The following TNRC18 variants were observed in gnomAD, a reference collection of about 807,000 sequenced individuals.
TNRC18 encodes the protein trinucleotide repeat-containing gene 18 protein.
Under a neutral mutation model 226.7 loss-of-function variants are expected in TNRC18, and 69 were observed. That is an observed-to-expected ratio of 0.30 (90% confidence interval 0.25 to 0.37). The LOEUF is 0.37. Ranked by LOEUF, TNRC18 falls within the 10% of genes least tolerant of loss-of-function variation. TNRC18 has a pLI of 1.00. For missense variants in TNRC18, 4,754 were observed against 4,256.6 expected, an observed-to-expected ratio of 1.12 and a Z score of -3.25; for synonymous variants, 2,449 against 1,927.6, an observed-to-expected ratio of 1.27 and a Z score of -7.09.
At chr7:5,325,025 G>A in intron 20 of TNRC18, 71 bp downstream of exon 20, 2 of 1,481,578 alleles carry the variant, frequency 1.3e-6, no homozygotes, top group South Asian at 1.3e-5. Context: ...AGCAGGTGGA[G>A]CCCCCTGCCC....
chr7:5,415,082 C>G (rs1400958915), intron 2 of TNRC18, among the ~76,000 whole-genome samples: 2 of 152,144 alleles, frequency 1.3e-5, no homozygotes, highest in East Asian at 3.8e-4. Context: ...CTCCTCATTC[C>G]TCAGTTTAAA....
intron 2 of TNRC18, among the ~76,000 whole-genome samples, chr7:5,402,540 C>CA (rs565671183): frequency 3.1e-3 from 416 of 134,210 alleles, no homozygotes; most frequent in South Asian, 7.9e-3. Context: ...CTCAAAAAGA[C>CA]AAAAAAAAAA....
At chr7:5,401,603 C>G (rs546517985) in intron 2 of TNRC18, among the ~76,000 whole-genome samples, 16 of 152,320 alleles carry the variant, frequency 1.1e-4, no homozygotes, top group South Asian at 6.2e-4. Flanking sequence ...GAAAGGGTGT[C>G]TGCTGCCTGT....
chr7:5,377,395 T>G lies in TNRC18; in HGVS notation c.2437A>C (p.Met813Leu). 1 of 1,371,006 alleles carries G rather than the reference T, an allele frequency of 7.3e-7. No individual in the cohort carries two copies. The highest frequency in any genetic ancestry group is 4.3e-5 in the East Asian group (1 of 23,292). The allele number at this position is 1,371,006 out of a possible 1,614,324, so 84.9% of individuals were successfully genotyped here. A position where few individuals can be genotyped will look rare whatever the true frequency, so the allele number is the denominator to read the frequency against. ...CCGTAGGGGTGTCCAGCGAGCCACATGGATGCGTTGCCCGAGCGGGGCAAC... is the reference window on the plus strand; with the variant it reads ...CCGTAGGGGTGTCCAGCGAGCCACAGGGATGCGTTGCCCGAGCGGGGCAAC... ...PWLPRSGNAS[M>L]WLAGHPYGLG... The change falls in exon 7 of 30, where the codon ATG becomes CTG. Residue 813 changes from methionine (M) to leucine (L), a missense_variant. Physicochemically the swap from Met to Leu is conservative, Grantham distance 15. Coordinates refer to ENST00000430969, the MANE Select transcript of TNRC18 (RefSeq NM_001080495.3). The surrounding 1 kb of genome is among the most constrained non-coding windows in gnomAD (Gnocchi z 5.8).
Position 5,351,941 on chromosome 7 carries a change from G to A in TNRC18, c.5348C>T (p.Ala1783Val), listed in dbSNP as rs764391804. Residue 1783 changes from alanine (A) to valine (V), a missense_variant, in exon 17 of 30, where the codon GCG (alanine) becomes GTG (valine). By Grantham distance (64) the Ala-to-Val change is moderately conservative. Coordinates refer to ENST00000430969, the MANE Select transcript of TNRC18 (RefSeq NM_001080495.3). The stretch of plus-strand genomic sequence containing the variant: ...CTTGGGTTTCAGAGTCCGGGGGGCC[G>A]CCAGGCCCCTCTTGGTCAGCTTGGG... Reference protein sequence around the residue: ...GGPKLTKRGLAAPRTLKPKPA... With the variant: ...GGPKLTKRGLVAPRTLKPKPA... The A allele has an allele frequency of 3.7e-5, 60 of 1,613,578 alleles. No homozygotes were observed. The South Asian group carries it at 5.4e-4, about 14-fold the overall frequency.
chr7:5,395,658 C>T (rs185298342), intron 2 of TNRC18, among the ~76,000 whole-genome samples: 7 of 152,324 alleles, frequency 4.6e-5, no homozygotes, highest in African/African-American at 1.2e-4. Context: ...TGCCTCCCTT[C>T]GGGAATGATA....
chr7:5,367,068 G>A (rs572076262), intron 11 of TNRC18, among the ~76,000 whole-genome samples: 11 of 152,172 alleles, frequency 7.2e-5, no homozygotes, highest in African/African-American at 2.4e-4. Context: ...TGTCCTAATA[G>A]GGTGGAGAAT....
intron 1 of TNRC18, among the ~76,000 whole-genome samples, chr7:5,422,523 CTCTG>C (rs1210765526): frequency 1.3e-5 from 2 of 152,206 alleles, no homozygotes; most frequent in Non-Finnish European, 2.9e-5. Context: ...TTCCCTCGAT[CTCTG>C]TCTGCAGCAG....
chr7:5,408,427 C>T (rs1257818613), intron 2 of TNRC18, among the ~76,000 whole-genome samples: 5 of 151,982 alleles, frequency 3.3e-5, no homozygotes, highest in Middle Eastern at 3.2e-3. Context: ...GCGGGTAGAT[C>T]ACCTGAGGTC....
chr7:5,377,322 T>G lies in TNRC18; in HGVS notation c.2461+49A>C. The G allele has an allele frequency of 2.2e-5, 12 of 544,410 alleles. No homozygotes were observed. The highest frequency in any genetic ancestry group is 5.8e-4 in the Middle Eastern group (1 of 1,720). The allele number at this position is 544,410 out of a possible 1,614,324, so 33.7% of individuals were successfully genotyped here. The stretch of plus-strand genomic sequence containing the variant: ...GAGCTCTTGTCCTGCACCCGCCCCC[T>G]CCCACCCCTCCCTCAGAGAAGGGGA... On this transcript the variant is annotated intron_variant, in intron 7 of 29. Transcript: ENST00000430969. The surrounding 1 kb of genome is among the most constrained non-coding windows in gnomAD (Gnocchi z 5.8).
At chr7:5,314,891 C>G in intron 26 of TNRC18, 93 bp downstream of exon 26, 2 of 1,356,616 alleles carry the variant, frequency 1.5e-6, no homozygotes, top group Non-Finnish European at 2.0e-6. Flanking sequence ...TTACAGACAG[C>G]AGGCAGGCAC....
chr7:5,328,299 G>A (rs1426083134), intron 19 of TNRC18, among the ~76,000 whole-genome samples: 2 of 152,152 alleles, frequency 1.3e-5, no homozygotes, highest in Non-Finnish European at 2.9e-5. Context: ...AAGGCAGGAG[G>A]ACTGCTTGAG....
rs543557144 is a variant in TNRC18, at chr7:5,357,133, G to A, written c.4977C>T (p.Ser1659=). The A allele has an allele frequency of 3.8e-6, 6 of 1,561,792 alleles. No homozygotes were observed. Among genetic ancestry groups the A allele is most frequent in the East Asian group, 2.4e-5 (1 of 42,146 alleles). The change falls in exon 16 of 30, where the codon AGC becomes AGT. Residue 1659 remains serine, a synonymous_variant. Transcript: ENST00000430969. ...GAGTCAAGTACCTGCCGCAGCCCCC[G>A]CTAGTTTTCGATTTCCCCCCAGCAC... The part of the protein sequence containing the change: ...SDSAGGKSKT[S]GGCGRYLTPY...
At position 5,363,267 on chromosome 7, in the gene TNRC18, C is replaced by T. The variant is rs540444589; in HGVS notation, c.4220-442G>A. Among the ~76,000 whole-genome samples, 4 of 151,408 alleles carry T rather than the reference C, an allele frequency of 2.6e-5. No individual in the cohort carries two copies. The East Asian group carries it at 7.8e-4, about 30-fold the overall frequency. ...GCAGTGAGCTGAGTTTGCACCACCGCATGCCAGCCTGAGCAACAGAGCAAG... is the reference window on the plus strand; with the variant it reads ...GCAGTGAGCTGAGTTTGCACCACCGTATGCCAGCCTGAGCAACAGAGCAAG... On this transcript the variant is annotated intron_variant, in intron 11 of 29. Transcript: ENST00000430969.
chr7:5,356,983 G>C lies in TNRC18; in HGVS notation c.5127C>G (p.Phe1709Leu), dbSNP rs760375574. ...AAKTRKMEVG[F>L]KARGQPKSAH... ...CCGACTTGGGCTGGCCTCTGGCCTT[G>C]AACCCCACCTCCATCTTCCTGGTTT... The change falls in exon 16 of 30, where the codon TTC becomes TTG. Residue 1709 changes from phenylalanine to leucine, a missense_variant. By Grantham distance (22) the Phe-to-Leu change is conservative (BLOSUM62 0). Transcript: ENST00000430969. 1.3e-6 allele frequency: 2 copies of C among 1,552,214 alleles called. No individual in the cohort carries two copies. The highest frequency in any genetic ancestry group is 1.7e-6 in the Non-Finnish European group (2 of 1,147,100).
chr7:5,357,236 T>C lies in TNRC18; in HGVS notation c.4874A>G (p.Gln1625Arg), dbSNP rs773797895. ...KKKKMASDQE[Q>R]LASKLDKALS... is the part of the protein sequence containing the mutation. ...GGCCTTGTCGAGCTTGCTTGCCAACTGCTCCTGGTCGCTGGCCATCTTCTT... is the reference window on the plus strand; with the variant it reads ...GGCCTTGTCGAGCTTGCTTGCCAACCGCTCCTGGTCGCTGGCCATCTTCTT... The change falls in exon 16 of 30, where the codon CAG becomes CGG. Residue 1625 changes from glutamine (Q) to arginine (R), a missense_variant. Transcript: ENST00000430969. The C allele has an allele frequency of 1.2e-6, 2 of 1,612,588 alleles. No individual in the cohort carries two copies. Among genetic ancestry groups the C allele is most frequent in the African/African-American group, 2.7e-5 (2 of 74,896 alleles).
At chr7:5,327,383 G>GCA (rs1562497233) in intron 19 of TNRC18, among the ~76,000 whole-genome samples, 19 of 102,496 alleles carry the variant, frequency 1.9e-4, no homozygotes, top group South Asian at 3.1e-4. Flanking sequence ...GTGTGTGTGT[G>GCA]TGTGTGTGTG....
At chr7:5,375,899 G>GC (rs1263587014) in intron 9 of TNRC18, 135 bp downstream of exon 9, 1 of 857,614 alleles carries the variant, frequency 1.2e-6, no homozygotes, top group Admixed American at 2.8e-5. Flanking sequence ...TCCTCCAGAA[G>GC]CCCTCCCTGA....
At chr7:5,369,746 C>T (rs1419240148) in intron 11 of TNRC18, among the ~76,000 whole-genome samples, 1 of 152,126 alleles carries the variant, frequency 6.6e-6, no homozygotes, top group Admixed American at 6.6e-5. Context: ...TTCTCTCCTG[C>T]CTAAACCAAT....
Sources: allele counts gnomAD v4.1 joint callset (sites outside exome capture counted in the v4.1 genomes callset), GRCh38; gene constraint gnomAD v4.1.1; non-coding constraint Gnocchi (gnomAD v3.1); transcripts MANE v1.5; gene names NCBI Gene and HGNC (gene_info 2026-07-23, HGNC 2026-07-21).